TCF4: variants seen among roughly 807,000 people sequenced by gnomAD.
TCF4 encodes the protein transcription factor 4.
In TCF4, 3 loss-of-function variants were observed where a neutral mutation model predicts 82.1. The ratio of observed to expected loss-of-function variants is 0.04; its 90% CI spans 0.02 to 0.09. The LOEUF is 0.09. TCF4 is among the 10% of genes least tolerant of loss of function. The pLI, the probability that TCF4 is intolerant of heterozygous loss-of-function variation, is 1.00. For missense variants in TCF4, 518 were observed against 852.7 expected (o/e 0.61, Z 4.89); for synonymous variants, 276 against 309.6 (o/e 0.89, Z 1.14).
At chr18:55,528,530 A>C (rs1449257481) in intron 3 of TCF4, among the ~76,000 whole-genome samples, 1 of 152,226 alleles carries the variant, frequency 6.6e-6, no homozygotes, top group Non-Finnish European at 1.5e-5. Flanking sequence ...CTCGAGTCTA[A>C]GATATTCTAA....
intron 8 of TCF4, among the ~76,000 whole-genome samples, chr18:55,285,698 T>A (rs59199713): frequency 0.032 from 4,928 of 152,248 alleles, 261 homozygotes; most frequent in African/African-American, 0.11. Context: ...AGAGTCATGT[T>A]CATCCATGAG....
upstream of TCF4, chr18:55,589,731 G>C (rs2097680245): frequency 9.8e-7 from 1 of 1,023,378 alleles, no homozygotes; most frequent in Admixed American, 5.8e-5. Flanking sequence ...CTCCCCCGTG[G>C]AGTCACATTG....
At chr18:55,555,583 C>T (rs2097296719) in intron 3 of TCF4, among the ~76,000 whole-genome samples, 1 of 152,158 alleles carries the variant, frequency 6.6e-6, no homozygotes, top group Admixed American at 6.5e-5. Context: ...AATGCATTCC[C>T]TCAACAATCT....
In TCF4 at chr18:55,257,321, G is replaced by C. The variant is rs2057096340; in HGVS notation, c.1140C>G (p.His380Gln). The change falls in exon 14 of 20, where the codon CAC becomes CAG. Residue 380 changes from histidine (H) to glutamine (Q), a missense_variant. By Grantham distance (24) the His-to-Gln change is conservative. Transcript: ENST00000354452. The stretch of plus-strand genomic sequence containing the variant: ...ATTAGCAAATGAGACATACCAAAGA[G>C]TGTAAGGGTCCTTCATAATTAGGAG... ...SSSPNYEGPL[H>Q]SLQSRIEDRL... 3.7e-6 allele frequency: 6 copies of C among 1,613,536 alleles called. No individual in the cohort carries two copies. The highest frequency in any genetic ancestry group is 1.3e-5 in the African/African-American group (1 of 74,886).
intron 2 of TCF4, among the ~76,000 whole-genome samples, chr18:55,622,503 TAAAAAAAAAAA>T (rs765415861): frequency 9.0e-6 from 1 of 110,572 alleles, no homozygotes; most frequent in African/African-American, 3.3e-5. Flanking sequence ...GACTCAATCT[TAAAAAAAAAAA>T]AAAAAAAAAA....
intron 6 of TCF4, 134 bp downstream of exon 6, chr18:55,403,320 A>G: frequency 1.0e-6 from 1 of 978,882 alleles, no homozygotes; most frequent in Non-Finnish European, 1.7e-6. Flanking sequence ...TTCATTACTT[A>G]AAGAGAGAGC....
At chr18:55,367,655 G>A (rs1273452830) in intron 6 of TCF4, among the ~76,000 whole-genome samples, 1 of 152,188 alleles carries the variant, frequency 6.6e-6, no homozygotes, top group Non-Finnish European at 1.5e-5. Context: ...ATTTATGAAT[G>A]TGCAGGAAAA....
rs554980583 is a variant in TCF4, at chr18:55,472,139, T to C, written c.146-8002A>G. Reference sequence around the variant, plus strand: ...CACTACATTTCTGCTGCTTAAGATATGGAGTTAATTCCATTGTGTGCTGTC... The same window carrying C: ...CACTACATTTCTGCTGCTTAAGATACGGAGTTAATTCCATTGTGTGCTGTC... On this transcript the variant is annotated intron_variant, in intron 3 of 19. Coordinates refer to ENST00000354452, the MANE Select transcript of TCF4 (RefSeq NM_001083962.2). 1.2e-4 allele frequency among the ~76,000 whole-genome samples: 18 copies of C among 152,346 alleles called. No individual in the cohort carries two copies. In the South Asian group the frequency reaches 3.5e-3, roughly 30 times the overall value.
chr18:55,357,383 C>T (rs372339922), intron 6 of TCF4, among the ~76,000 whole-genome samples: 2 of 152,096 alleles, frequency 1.3e-5, no homozygotes, highest in Non-Finnish European at 2.9e-5. Context: ...GTTTAAGCTC[C>T]TTCTCAGTTC....
intron 3 of TCF4, among the ~76,000 whole-genome samples, chr18:55,466,274 T>C (rs751388145): frequency 6.6e-6 from 1 of 152,100 alleles, no homozygotes; most frequent in Non-Finnish European, 1.5e-5. Context: ...AGCAGAAGGA[T>C]TGCTTGAGGC....
chr18:55,588,801 C>T (rs137891796), upstream of TCF4, among the ~76,000 whole-genome samples: 1 of 152,032 alleles, frequency 6.6e-6, no homozygotes, highest in East Asian at 1.9e-4. Flanking sequence ...TTTCTTTCCC[C>T]TCCCTTTTAA....
chr18:55,262,818 T>C (rs1292702801), intron 11 of TCF4, among the ~76,000 whole-genome samples: 1 of 152,202 alleles, frequency 6.6e-6, no homozygotes, highest in African/African-American at 2.4e-5. Context: ...GTTTTCTTTT[T>C]TGTTTTGAGA....
intron 6 of TCF4, among the ~76,000 whole-genome samples, chr18:55,357,449 C>G: frequency 6.6e-6 from 1 of 152,174 alleles, no homozygotes; most frequent in East Asian, 1.9e-4. Context: ...GCTATAATCA[C>G]TACTTGCCTT....
In TCF4 at chr18:55,275,684, A is replaced by G; in HGVS notation, c.724T>C (p.Leu242=). The change falls in exon 10 of 20, where the codon TTG becomes CTG. Residue 242 remains leucine (L), a synonymous_variant. Coordinates refer to ENST00000354452, the MANE Select transcript of TCF4 (RefSeq NM_001083962.2). ...GMNQPGYAGM[L]GNSSHIPQSS... ...TGTGGAATATGAGAAGAGTTGCCCA[A>G]CATTCCTGCATAGCCAGGCTGATTC... 4 of 1,613,886 alleles carry G rather than the reference A, an allele frequency of 2.5e-6. No homozygotes were observed. Among genetic ancestry groups the G allele is most frequent in the Non-Finnish European group, 3.4e-6 (4 of 1,179,824 alleles).
At chr18:55,322,651 G>A (rs1469655761) in intron 8 of TCF4, among the ~76,000 whole-genome samples, 3 of 152,198 alleles carry the variant, frequency 2.0e-5, no homozygotes, top group Non-Finnish European at 4.4e-5. Context: ...GCAGACAGCC[G>A]CATGGGCCCA....
At chr18:55,388,805 T>C (rs2092817150) in intron 6 of TCF4, among the ~76,000 whole-genome samples, 1 of 152,152 alleles carries the variant, frequency 6.6e-6, no homozygotes, top group Non-Finnish European at 1.5e-5. Context: ...CTCAGTTTCT[T>C]TATCAATAAA....
At chr18:55,359,398 C>T (rs2084480030) in intron 6 of TCF4, among the ~76,000 whole-genome samples, 1 of 152,026 alleles carries the variant, frequency 6.6e-6, no homozygotes, top group African/African-American at 2.4e-5. Flanking sequence ...CATTTATAGC[C>T]TTGTATGGAA....
At chr18:55,329,589 T>C (rs964229536) in intron 8 of TCF4, among the ~76,000 whole-genome samples, 2 of 152,350 alleles carry the variant, frequency 1.3e-5, no homozygotes, top group Middle Eastern at 3.4e-3. Context: ...AAAAAATTGA[T>C]ATTGATAAAT....
chr18:55,519,991 C>T (rs892473293), intron 3 of TCF4, among the ~76,000 whole-genome samples: 22 of 152,160 alleles, frequency 1.4e-4, no homozygotes, highest in African/African-American at 5.3e-4. Context: ...ATCTTCTCAT[C>T]CCTCCACCTT....
Sources: gnomAD v4.1 joint callset for allele counts (sites outside exome capture counted in the v4.1 genomes callset) on GRCh38, gnomAD v4.1.1 for gene constraint, MANE v1.5 for transcripts, NCBI Gene and HGNC (gene_info 2026-07-23, HGNC 2026-07-21) for gene names.